Variants in CLEC17A observed in about 807,000 individuals in gnomAD.
CLEC17A encodes C-type lectin domain family 17, member A.
Under a neutral mutation model 61.3 loss-of-function variants are expected in CLEC17A, and 37 were observed. The observed-to-expected ratio is 0.60, with a 90% CI of 0.46 to 0.79. The LOEUF (loss-of-function observed/expected upper bound fraction) is 0.79. Among genes scored for constraint, CLEC17A ranks in the 30% least tolerant of loss-of-function variants. CLEC17A has a pLI of 0.00. For synonymous variants in CLEC17A, 168 were observed against 164.9 expected (o/e 1.02, Z -0.14); for missense variants, 418 against 464.7 (o/e 0.90, Z 0.92).
intron 12 of CLEC17A, among the ~76,000 whole-genome samples, chr19:14,602,548 C>G (rs973815560): frequency 6.6e-6 from 1 of 152,138 alleles, no homozygotes; most frequent in African/African-American, 2.4e-5. Context: ...CCGCCTTCAC[C>G]TCCCAAAGTG....
chr19:14,596,972 T>C lies in CLEC17A; in HGVS notation c.542T>C (p.Leu181Pro), dbSNP rs777312777. Residue 181 changes from leucine to proline, a missense_variant, in exon 9 of 14, where the codon CTG becomes CCG. Leu to Pro is a moderately conservative substitution (Grantham distance 98, BLOSUM62 -3). Transcript: ENST00000417570. ...CTGTGTCTGCTGGTGGTGACTTCCC[T>C]GTTCCTGGGCTGCCTTGGTCTCACT... The part of the protein sequence containing the change: ...VYLCLLVVTS[L>P]FLGCLGLTVT... The C allele has an allele frequency of 5.0e-6, 8 of 1,609,092 alleles. No individual in the cohort carries two copies. The Admixed American group carries it at 1.0e-4, about 20-fold the overall frequency.
chr19:14,581,688 T>G (rs556918980), upstream of CLEC17A, among the ~76,000 whole-genome samples: 52 of 152,158 alleles, frequency 3.4e-4, 2 homozygotes, highest in African/African-American at 1.3e-3. Context: ...GTTTCACTCT[T>G]GTTGCCCAGG....
chr19:14,605,806 A>C (rs1185632691), intron 12 of CLEC17A, among the ~76,000 whole-genome samples: 1 of 152,054 alleles, frequency 6.6e-6, no homozygotes, highest in Non-Finnish European at 1.5e-5. Flanking sequence ...TGGTGCATTC[A>C]TAGCTCACTG....
intron 12 of CLEC17A, among the ~76,000 whole-genome samples, chr19:14,602,364 A>G (rs1347083989): frequency 6.6e-6 from 1 of 152,122 alleles, no homozygotes; most frequent in East Asian, 1.9e-4. Flanking sequence ...GCCTCAGCTC[A>G]TGGCAGCCTT....
chr19:14,588,709 T>G (rs1193453308), intron 3 of CLEC17A: 4 of 152,048 alleles, frequency 2.6e-5, no homozygotes, highest in African/African-American at 4.8e-5. Flanking sequence ...CTGAGTTTAC[T>G]GCCACCAGGG....
chr19:14,603,305 G>T (rs10417828), intron 12 of CLEC17A, among the ~76,000 whole-genome samples: 8,805 of 152,028 alleles, frequency 0.058, 773 homozygotes, highest in African/African-American at 0.19. Flanking sequence ...ACTCCAAACT[G>T]GTATCTACTG....
chr19:14,599,520 G>T (rs2074648785), intron 10 of CLEC17A, 197 bp from the exon 11 acceptor site: 13 of 653,022 alleles, frequency 2.0e-5, no homozygotes, highest in Non-Finnish European at 3.7e-5. Context: ...CACATCCCCG[G>T]GATTGATCCC....
intron 12 of CLEC17A, among the ~76,000 whole-genome samples, chr19:14,603,947 T>C (rs1439669780): frequency 6.6e-6 from 1 of 152,158 alleles, no homozygotes; most frequent in East Asian, 1.9e-4. Flanking sequence ...TAAAGAGTCT[T>C]CTGGTTTTCT....
upstream of CLEC17A, among the ~76,000 whole-genome samples, chr19:14,581,385 G>A (rs548545829): frequency 2.9e-4 from 44 of 152,242 alleles, no homozygotes; most frequent in Non-Finnish European, 5.4e-4. Context: ...ATGCAGTGGC[G>A]AGATCTTGGC....
Position 14,599,805 on chromosome 19 carries a change from C to A in CLEC17A, c.735C>A (p.Gly245=), listed in dbSNP as rs2074658911. The stretch of plus-strand genomic sequence containing the variant: ...ACCAGTCCCTGGTGGAACTTTGGGG[C>A]TTATTAGGTAAGTGAGACTTGGGGA... ...DTNQSLVELW[G]LLDCRRITCP... is the part of the protein sequence containing the mutation. The change falls in exon 11 of 14, where the codon GGC becomes GGA. Residue 245 remains glycine (G), a synonymous_variant. Coordinates refer to ENST00000417570, the MANE Select transcript of CLEC17A (RefSeq NM_001204118.2). The A allele has an allele frequency of 6.2e-7, 1 of 1,612,712 alleles. No homozygotes were observed. Among genetic ancestry groups the A allele is most frequent in the Non-Finnish European group, 8.5e-7 (1 of 1,179,110 alleles).
intron 12 of CLEC17A, among the ~76,000 whole-genome samples, chr19:14,601,864 C>T (rs1432430608): frequency 1.3e-5 from 2 of 152,038 alleles, no homozygotes; most frequent in African/African-American, 4.8e-5. Context: ...GCGATCTCGG[C>T]TCACTGCAAG....
At position 14,583,210 on chromosome 19, in the gene CLEC17A, C is replaced by T. The variant is rs2074205439; in HGVS notation, c.43+7C>T. Reference sequence around the variant, plus strand: ...GGGTACCCGGACCCACCAGGTAAGGCCCCGGCCAGGCTGGGGCTGGGGCCT... The same window carrying T: ...GGGTACCCGGACCCACCAGGTAAGGTCCCGGCCAGGCTGGGGCTGGGGCCT... On this transcript the variant is annotated splice_region_variant and intron_variant, in intron 1 of 13. Coordinates refer to ENST00000417570, the MANE Select transcript of CLEC17A (RefSeq NM_001204118.2). The T allele has an allele frequency of 1.2e-6, 2 of 1,613,786 alleles. No individual in the cohort carries two copies. Among genetic ancestry groups the T allele is most frequent in the Non-Finnish European group, 1.7e-6 (2 of 1,179,890 alleles).
intron 8 of CLEC17A, 105 bp downstream of exon 8, chr19:14,595,420 C>G: frequency 7.7e-7 from 1 of 1,294,570 alleles, no homozygotes; most frequent in South Asian, 1.2e-5. Flanking sequence ...CTTTAAGAAG[C>G]TGCTCCTTCA....
At chr19:14,601,461 G>A (rs144833600) in intron 12 of CLEC17A, among the ~76,000 whole-genome samples, 1 of 152,270 alleles carries the variant, frequency 6.6e-6, no homozygotes, top group East Asian at 1.9e-4. Context: ...TACACAATAT[G>A]TATCATCTGT....
At chr19:14,605,159 G>A (rs1282070852) in intron 12 of CLEC17A, among the ~76,000 whole-genome samples, 1 of 151,344 alleles carries the variant, frequency 6.6e-6, no homozygotes, top group Admixed American at 6.6e-5. Context: ...GTGCACTGTC[G>A]CGATCTCAGC....
chr19:14,599,968 G>A (rs2074663621), intron 11 of CLEC17A, 63 bp from the exon 12 acceptor site: 15 of 1,585,178 alleles, frequency 9.5e-6, no homozygotes, highest in Non-Finnish European at 1.3e-5. Context: ...AACTGTACAT[G>A]GCATACTATG....
chr19:14,597,011 A>T lies in CLEC17A; in HGVS notation c.581A>T (p.Lys194Met). The T allele has an allele frequency of 6.2e-7, 1 of 1,610,284 alleles. No individual in the cohort carries two copies. The highest frequency in any genetic ancestry group is 1.7e-5 in the Admixed American group (1 of 59,304). The change falls in exon 9 of 14, where the codon AAG becomes ATG. Residue 194 changes from lysine (K) to methionine (M), a missense_variant and splice_region_variant. Coordinates refer to ENST00000417570, the MANE Select transcript of CLEC17A (RefSeq NM_001204118.2). ...GCLGLTVTLI[K>M]YQELMEELRM... Reference sequence around the variant, plus strand: ...CTTGGTCTCACTGTGACCCTGATTAAGTGTGAGTAGGGCCAGGAAGGGACA... The same window carrying T: ...CTTGGTCTCACTGTGACCCTGATTATGTGTGAGTAGGGCCAGGAAGGGACA...
Position 14,594,790 on chromosome 19 carries a change from T to G in CLEC17A, c.393T>G (p.Pro131=). 6.2e-7 allele frequency: 1 copy of G among 1,613,770 alleles called. No individual in the cohort carries two copies. Among genetic ancestry groups the G allele is most frequent in the Non-Finnish European group, 8.5e-7 (1 of 1,179,766 alleles). The change falls in exon 7 of 14, where the codon CCT becomes CCG. Residue 131 remains proline, a synonymous_variant. Coordinates refer to ENST00000417570, the MANE Select transcript of CLEC17A (RefSeq NM_001204118.2). The part of the protein sequence containing the change: ...GLDLAAVTCP[P]PQLAVNLEPS... ...ACCTCGCCGCTGTCACCTGTCCACC[T>G]CCTCAACTGGGTGAGCAGTGGGAAG...
intron 2 of CLEC17A, among the ~76,000 whole-genome samples, chr19:14,586,415 C>T (rs1424632332): frequency 1.3e-5 from 2 of 152,006 alleles, no homozygotes; most frequent in Non-Finnish European, 2.9e-5. Flanking sequence ...CGAGCCACCA[C>T]GCCCAGCCTC....
Sources: gnomAD v4.1 joint callset for allele counts (sites outside exome capture counted in the v4.1 genomes callset) on GRCh38, gnomAD v4.1.1 for gene constraint, MANE v1.5 for transcripts, NCBI Gene and HGNC (gene_info 2026-07-23, HGNC 2026-07-21) for gene names.